The following FHIT variants were observed in gnomAD, a reference collection of about 807,000 sequenced individuals.
FHIT encodes the protein fragile histidine triad diadenosine triphosphatase.
In FHIT, 19 loss-of-function variants were observed where a neutral mutation model predicts 17.9. The observed-to-expected ratio is 1.06, with a 90% confidence interval of 0.74 to 1.56. FHIT has a LOEUF of 1.56. Ranked by LOEUF, FHIT falls within the 40% of genes most tolerant of loss-of-function variation. FHIT has a pLI of 0.00. For missense variants in FHIT, 248 were observed against 189.2 expected (o/e 1.31, Z -1.82); for synonymous variants, 81 against 69.7 (o/e 1.16, Z -0.81).
chr3:60,952,662 C>G (rs529483582), intron 3 of FHIT, among the ~76,000 whole-genome samples: 1 of 152,256 alleles, frequency 6.6e-6, no homozygotes, highest in South Asian at 2.1e-4. Flanking sequence ...CTAACCCTCC[C>G]CTTTTTCTTC....
chr3:60,959,050 C>G (rs1227008178), intron 3 of FHIT, among the ~76,000 whole-genome samples: 1 of 152,134 alleles, frequency 6.6e-6, no homozygotes, highest in African/African-American at 2.4e-5. Context: ...AGCAGGTTTC[C>G]TTACTTCAGG....
chr3:60,665,939 G>A (rs1465523911), intron 4 of FHIT, among the ~76,000 whole-genome samples: 1 of 151,968 alleles, frequency 6.6e-6, no homozygotes, highest in African/African-American at 2.4e-5. Context: ...GTACTTCTTT[G>A]TATAGTTTTC....
chr3:61,029,344 C>G (rs890927719), intron 3 of FHIT, among the ~76,000 whole-genome samples: 3 of 152,146 alleles, frequency 2.0e-5, no homozygotes, highest in Non-Finnish European at 4.4e-5. Context: ...CGCGTATGAA[C>G]AAGATTTAAA....
intron 3 of FHIT, among the ~76,000 whole-genome samples, chr3:60,848,810 A>G (rs1271944182): frequency 6.6e-6 from 1 of 152,104 alleles, no homozygotes; most frequent in Non-Finnish European, 1.5e-5. Context: ...TTTGTATATA[A>G]TGGATTTTTT....
intron 7 of FHIT, among the ~76,000 whole-genome samples, chr3:59,972,035 T>C (rs994414869): frequency 6.6e-6 from 1 of 152,068 alleles, no homozygotes; most frequent in Admixed American, 6.6e-5. Context: ...CTTGAATGGA[T>C]AGGAATGTCC....
chr3:61,233,662 A>G (rs1234384754), intron 1 of FHIT, among the ~76,000 whole-genome samples: 1 of 152,222 alleles, frequency 6.6e-6, no homozygotes, highest in Non-Finnish European at 1.5e-5. Flanking sequence ...TGGGTGAAAT[A>G]TATTTTCTAT....
chr3:60,800,315 G>A lies in FHIT; in HGVS notation c.-18+21604C>T, dbSNP rs1450231632. On this transcript the variant is annotated intron_variant, in intron 4 of 9. Transcript: ENST00000492590. ...ATCATTCACTTTAGTATCATCTTACGGTGCCTAATTCTTTCTAAATCTAAG... is the reference window on the plus strand; with the variant it reads ...ATCATTCACTTTAGTATCATCTTACAGTGCCTAATTCTTTCTAAATCTAAG... Among the ~76,000 whole-genome samples, 7 of 151,958 alleles carry A rather than the reference G, an allele frequency of 4.6e-5. No individual in the cohort carries two copies. In the South Asian group the frequency reaches 6.2e-4, roughly 14 times the overall value.
At chr3:60,566,044 G>T (rs2037122006) in intron 4 of FHIT, among the ~76,000 whole-genome samples, 1 of 152,222 alleles carries the variant, frequency 6.6e-6, no homozygotes, top group South Asian at 2.1e-4. Flanking sequence ...GGAGCACGTT[G>T]TTCAGTTTCC....
chr3:60,196,362 C>A (rs535110066), intron 5 of FHIT, among the ~76,000 whole-genome samples: 1 of 152,148 alleles, frequency 6.6e-6, no homozygotes, highest in Non-Finnish European at 1.5e-5. Context: ...AAGTCCTGCT[C>A]ACACCACAAC....
intron 4 of FHIT, among the ~76,000 whole-genome samples, chr3:60,700,304 G>T (rs1450073503): frequency 2.0e-5 from 3 of 152,038 alleles, no homozygotes. Context: ...TTTCATACCA[G>T]TACATACAAA....
At chr3:61,018,269 T>G (rs1379386393) in intron 3 of FHIT, among the ~76,000 whole-genome samples, 2 of 152,188 alleles carry the variant, frequency 1.3e-5, no homozygotes, top group African/African-American at 4.8e-5. Context: ...AAGATACATG[T>G]GACTAATCAA....
chr3:60,030,689 C>T (rs1700962710), intron 5 of FHIT, among the ~76,000 whole-genome samples: 1 of 152,110 alleles, frequency 6.6e-6, no homozygotes, highest in East Asian at 1.9e-4. Context: ...CCATAGAGCA[C>T]TTGCTAAACA....
chr3:60,938,813 T>C (rs766184488), intron 3 of FHIT, among the ~76,000 whole-genome samples: 4 of 152,198 alleles, frequency 2.6e-5, no homozygotes, highest in Non-Finnish European at 5.9e-5. Flanking sequence ...TACATGTGTA[T>C]TCTTTGTGTA....
At chr3:59,880,266 C>T (rs1703353749) in intron 8 of FHIT, among the ~76,000 whole-genome samples, 1 of 152,190 alleles carries the variant, frequency 6.6e-6, no homozygotes, top group Non-Finnish European at 1.5e-5. Flanking sequence ...GACCTTGTGC[C>T]TGCTCTTCTC....
chr3:59,991,983 A>G (rs902823180), intron 7 of FHIT, among the ~76,000 whole-genome samples: 1 of 152,090 alleles, frequency 6.6e-6, no homozygotes, highest in Non-Finnish European at 1.5e-5. Context: ...GTTTTCTGAC[A>G]CTTGCAACTG....
At chr3:60,978,323 G>T (rs964888101) in intron 3 of FHIT, among the ~76,000 whole-genome samples, 2 of 152,128 alleles carry the variant, frequency 1.3e-5, no homozygotes, top group African/African-American at 4.8e-5. Flanking sequence ...TGCTTCAGTT[G>T]GTGATCTTGT....
chr3:60,011,315 T>C, intron 7 of FHIT, 56 bp downstream of exon 7: 1 of 1,546,786 alleles, frequency 6.5e-7, no homozygotes, highest in Non-Finnish European at 8.9e-7. Flanking sequence ...TTGTGATTTT[T>C]TATTAGTTCT....
At chr3:60,220,134 A>C (rs368276669) in intron 5 of FHIT, among the ~76,000 whole-genome samples, 26 of 152,226 alleles carry the variant, frequency 1.7e-4, no homozygotes, top group East Asian at 7.7e-4. Context: ...AAACAATAAT[A>C]AGGTAGATCC....
intron 5 of FHIT, among the ~76,000 whole-genome samples, chr3:60,188,509 T>G (rs1380577956): frequency 6.6e-6 from 1 of 152,066 alleles, no homozygotes; most frequent in East Asian, 1.9e-4. Context: ...TCTCTGGGTC[T>G]TGCCTCAAAC....
Sources: allele counts gnomAD v4.1 joint callset (sites outside exome capture counted in the v4.1 genomes callset), GRCh38; gene constraint gnomAD v4.1.1; transcripts MANE v1.5; gene names NCBI Gene and HGNC (gene_info 2026-07-23, HGNC 2026-07-21).